Variants in PTGR1 observed in about 807,000 individuals in gnomAD.
PTGR1 encodes the protein prostaglandin reductase 1.
PTGR1 carries 23 observed loss-of-function variants against 37.7 expected under a neutral mutation model. The ratio of observed to expected loss-of-function variants is 0.61; its 90% CI spans 0.44 to 0.86. The LOEUF is 0.86. PTGR1 is among the 40% of genes least tolerant of loss of function. PTGR1 has a pLI of 0.00. For synonymous variants in PTGR1, 134 were observed against 140.0 expected (o/e 0.96, Z 0.30); for missense variants, 351 against 394.3 (o/e 0.89, Z 0.93).
downstream of PTGR1, among the ~76,000 whole-genome samples, chr9:111,561,706 A>C (rs539801160): frequency 1.2e-4 from 18 of 152,320 alleles, no homozygotes; most frequent in Admixed American, 5.9e-4. Context: ...TCATCTGTAG[A>C]GGACCAGTAT....
At chr9:111,579,954 A>G (rs1470517753) in intron 6 of PTGR1, among the ~76,000 whole-genome samples, 2 of 152,216 alleles carry the variant, frequency 1.3e-5, no homozygotes, top group South Asian at 2.1e-4. Flanking sequence ...TGCATTTTCA[A>G]TCGAGGAAAA....
At chr9:111,574,606 A>T in intron 8 of PTGR1, 128 bp downstream of exon 8, 3 of 367,386 alleles carry the variant, frequency 8.2e-6, no homozygotes, top group East Asian at 6.0e-5. Flanking sequence ...CTCTGTCTTA[A>T]AAAAAAAAAA....
At chr9:111,581,767 C>T (rs1829287246) in intron 6 of PTGR1, among the ~76,000 whole-genome samples, 1 of 152,062 alleles carries the variant, frequency 6.6e-6, no homozygotes, top group South Asian at 2.1e-4. Flanking sequence ...CACAGCACTG[C>T]ACCTGGCAGG....
chr9:111,580,316 T>C (rs1046315580), intron 6 of PTGR1, among the ~76,000 whole-genome samples: 4 of 152,206 alleles, frequency 2.6e-5, no homozygotes, highest in South Asian at 2.1e-4. Context: ...TTCTTACTTA[T>C]TTCTTTTCTA....
chr9:111,551,526 G>T (rs1438100318), intron 9 of PTGR1, among the ~76,000 whole-genome samples: 13 of 144,642 alleles, frequency 9.0e-5, no homozygotes, highest in African/African-American at 3.1e-4. Context: ...TCCTGCTTCA[G>T]CCTCCCCAGT....
In PTGR1 at chr9:111,569,993, G is replaced by A. The variant is rs531334519; in HGVS notation, c.879+98C>T. On this transcript the variant is annotated intron_variant, in intron 9 of 9. Coordinates refer to ENST00000407693, the MANE Select transcript of PTGR1 (RefSeq NM_001146108.2). ...CCCAATAGGGAAAAACTGACGATGC[G>A]GCAGAGATGGGGAAGAATTGGTAGA... 1.5e-4 allele frequency: 227 copies of A among 1,561,406 alleles called. 1 individual carries two copies. Among genetic ancestry groups the A allele is most frequent in the Middle Eastern group, 1.2e-3 (7 of 5,986 alleles).
chr9:111,553,586 T>C lies in PTGR1; in HGVS notation c.880-3787A>G, dbSNP rs74395373. Reference sequence around the variant, plus strand: ...TGAACTCAAATCAATCTGTTGATACTGACTAGATTGGTGACGTGTTTATGT... The same window carrying C: ...TGAACTCAAATCAATCTGTTGATACCGACTAGATTGGTGACGTGTTTATGT... On this transcript the variant is annotated intron_variant, in intron 9 of 9. Coordinates refer to the PTGR1 transcript ENST00000538962. Among the ~76,000 whole-genome samples the C allele has an allele frequency of 8.7e-3, 1,320 of 152,356 alleles. 20 individuals are homozygous for C. The highest frequency in any genetic ancestry group is 0.03 in the African/African-American group (1,252 of 41,590).
chr9:111,567,798 A>G (rs1315757059), intron 9 of PTGR1, among the ~76,000 whole-genome samples: 1 of 152,210 alleles, frequency 6.6e-6, no homozygotes, highest in Non-Finnish European at 1.5e-5. Flanking sequence ...GGTAGAGTCC[A>G]CTACTGTTGC....
At chr9:111,569,399 C>T (rs991293077) in intron 9 of PTGR1, among the ~76,000 whole-genome samples, 1 of 152,164 alleles carries the variant, frequency 6.6e-6, no homozygotes, top group Admixed American at 6.6e-5. Context: ...AGAGAATGAT[C>T]ACTATGAAAT....
At chr9:111,574,094 G>C (rs540556824) in intron 8 of PTGR1, 2 of 152,092 alleles carry the variant, frequency 1.3e-5, no homozygotes, top group Non-Finnish European at 2.9e-5. Context: ...TATTCCTCTC[G>C]CACCTCCAGC....
chr9:111,558,930 C>T (rs904006617), downstream of PTGR1, among the ~76,000 whole-genome samples: 8 of 152,098 alleles, frequency 5.3e-5, no homozygotes, highest in African/African-American at 1.9e-4. Flanking sequence ...CTGTATGTAA[C>T]CATCTTCTAT....
rs776877398 is a variant in PTGR1 at position 111,597,415 on chromosome 9, C to G, written c.8G>C (p.Arg3Pro). The G allele has an allele frequency of 1.9e-6, 3 of 1,609,444 alleles. No homozygotes were observed. Among genetic ancestry groups the G allele is most frequent in the African/African-American group, 1.3e-5 (1 of 74,968 alleles). ...CTTCTTCAGGGTCCATGTCTTAGTACGAACCATCCTGAAGCTCCTAGAACA... is the reference window on the plus strand; with the variant it reads ...CTTCTTCAGGGTCCATGTCTTAGTAGGAACCATCCTGAAGCTCCTAGAACA... MV[R>P]TKTWTLKKHF... The change falls in exon 2 of 10, where the codon CGT becomes CCT. Residue 3 changes from arginine (R) to proline (P), a missense_variant. Arg to Pro is a moderately radical substitution (Grantham distance 103). Coordinates refer to ENST00000407693, the MANE Select transcript of PTGR1 (RefSeq NM_001146108.2).
At chr9:111,561,084 A>AATATATAT (rs368827456), downstream of PTGR1, among the ~76,000 whole-genome samples, 21 of 20,346 alleles carry the variant, frequency 1.0e-3, no homozygotes, top group African/African-American at 1.2e-3. Context: ...CTCCATCTAA[A>AATATATAT]ATATATATAT....
At chr9:111,559,027 C>G (rs533937929), downstream of PTGR1, among the ~76,000 whole-genome samples, 4 of 152,246 alleles carry the variant, frequency 2.6e-5, no homozygotes, top group South Asian at 8.3e-4. Flanking sequence ...ACTCTTGCCT[C>G]CCCATGTGGT....
intron 2 of PTGR1, among the ~76,000 whole-genome samples, chr9:111,596,024 T>A (rs1829770295): frequency 6.6e-6 from 1 of 152,152 alleles, no homozygotes; most frequent in Non-Finnish European, 1.5e-5. Context: ...AGAGAGGACA[T>A]CCTCCCCATA....
intron 2 of PTGR1, among the ~76,000 whole-genome samples, chr9:111,595,939 CATCTT>C (rs1829767303): frequency 6.6e-6 from 1 of 152,122 alleles, no homozygotes. Flanking sequence ...AGCCGAGACT[CATCTT>C]ATAGTCTGAA....
At chr9:111,591,344 A>G (rs980789987) in intron 4 of PTGR1, among the ~76,000 whole-genome samples, 5 of 148,722 alleles carry the variant, frequency 3.4e-5, no homozygotes, top group Admixed American at 6.7e-5. Context: ...TTATAAAAGT[A>G]TGTACACTGG....
At chr9:111,555,479 T>C (rs1589285065) in intron 9 of PTGR1, among the ~76,000 whole-genome samples, 1 of 152,130 alleles carries the variant, frequency 6.6e-6, no homozygotes, top group East Asian at 1.9e-4. Context: ...CTAAACAATA[T>C]GTGTATTAGT....
chr9:111,550,634 GGA>G (rs1220931840), intron 9 of PTGR1, among the ~76,000 whole-genome samples: 3 of 152,124 alleles, frequency 2.0e-5, no homozygotes. Flanking sequence ...TTATCTAGGT[GGA>G]GAGGTGGATT....
Sources: allele counts gnomAD v4.1 joint callset (sites outside exome capture counted in the v4.1 genomes callset), GRCh38; gene constraint gnomAD v4.1.1; transcripts MANE v1.5; gene names NCBI Gene and HGNC (gene_info 2026-07-23, HGNC 2026-07-21).